Variants in TBPL1 observed in about 807,000 individuals in gnomAD.
TBPL1 encodes TATA box-binding protein-like 1.
In TBPL1, 4 loss-of-function variants were observed where a neutral mutation model predicts 22.1. The observed-to-expected ratio is 0.18, with a 90% CI of 0.09 to 0.41. The LOEUF (loss-of-function observed/expected upper bound fraction) is 0.41, where lower values mean the gene tolerates loss of function less well. Among genes scored for constraint, TBPL1 ranks in the 10% least tolerant of loss-of-function variants. The pLI is 1.00. For missense variants in TBPL1, 115 were observed against 222.3 expected (o/e 0.52, Z 3.07); for synonymous variants, 64 against 71.0 (o/e 0.90, Z 0.50).
intron 1 of TBPL1, among the ~76,000 whole-genome samples, chr6:133,959,912 G>A (rs1167464835): frequency 6.6e-6 from 1 of 152,194 alleles, no homozygotes; most frequent in Non-Finnish European, 1.5e-5. Context: ...TATGACTGTG[G>A]ACAACATTTA....
rs977472924 is a variant in TBPL1 at position 133,988,824 on chromosome 6, A to C, written c.*1784A>C. The C allele has an allele frequency of 2.0e-5, 3 of 152,144 alleles. No individual in the cohort carries two copies. The highest frequency in any genetic ancestry group is 2.9e-5 in the Non-Finnish European group (2 of 68,028). 9.4% of individuals were successfully genotyped at this position (152,144 alleles called of 1,614,324 possible). On this transcript the variant is annotated 3_prime_UTR_variant, in exon 7 of 7. Coordinates refer to ENST00000237264, the MANE Select transcript of TBPL1 (RefSeq NM_004865.4). The stretch of plus-strand genomic sequence containing the variant: ...AATTACATGAAAGAGTTACAAGCTC[A>C]CTGTTTTAAAGACTTGACATTTTTC...
chr6:133,952,960 G>A (rs186984953), upstream of TBPL1, among the ~76,000 whole-genome samples: 459 of 152,282 alleles, frequency 3.0e-3, 3 homozygotes, highest in African/African-American at 0.011. This position sits in a 1 kb window ranked among gnomAD's most constrained non-coding sequence, Gnocchi z 4.5. Flanking sequence ...CTAGTCCGAT[G>A]CCCATTAGCG....
chr6:133,965,322 G>A (rs1049972126), intron 1 of TBPL1, among the ~76,000 whole-genome samples: 2 of 152,190 alleles, frequency 1.3e-5, no homozygotes, highest in East Asian at 3.9e-4. Flanking sequence ...ACCTGCTCAA[G>A]AAAACAAATA....
intron 1 of TBPL1, among the ~76,000 whole-genome samples, chr6:133,955,384 C>T (rs572503912): frequency 2.3e-4 from 35 of 152,030 alleles, no homozygotes; most frequent in African/African-American, 7.7e-4. Flanking sequence ...TTTTCTTAAT[C>T]ATGTCCCAAT....
chr6:133,981,431 C>T (rs1776411392), intron 2 of TBPL1, among the ~76,000 whole-genome samples: 1 of 152,120 alleles, frequency 6.6e-6, no homozygotes, highest in African/African-American at 2.4e-5. Flanking sequence ...ATATGCCTAA[C>T]ACTGCTTTGG....
intron 2 of TBPL1, among the ~76,000 whole-genome samples, chr6:133,981,032 G>A (rs1776404811): frequency 6.8e-6 from 1 of 146,234 alleles, no homozygotes; most frequent in Admixed American, 6.9e-5. Flanking sequence ...CAATGCAGTG[G>A]CATGATCACA....
chr6:133,987,154 A>G lies in TBPL1; in HGVS notation c.*114A>G. The G allele has an allele frequency of 1.6e-6, 1 of 618,870 alleles. No homozygotes were observed. The highest frequency in any genetic ancestry group is 2.7e-6 in the Non-Finnish European group (1 of 371,260). The allele number at this position is 618,870 out of a possible 1,614,324, so 38.3% of individuals were successfully genotyped here. ...ATTGAGGAAATAGACTCTTTTATTC[A>G]TTCACGGCTACAGTGTAAGCTCCAG... On this transcript the variant is annotated 3_prime_UTR_variant, in exon 7 of 7. Transcript: ENST00000237264.
chr6:133,972,798 G>T (rs1437051389), intron 1 of TBPL1, among the ~76,000 whole-genome samples: 1 of 152,098 alleles, frequency 6.6e-6, no homozygotes, highest in Non-Finnish European at 1.5e-5. Flanking sequence ...CCATCTGTCA[G>T]TAATAGCCAC....
At chr6:133,977,324 A>G (rs1197239449) in intron 1 of TBPL1, among the ~76,000 whole-genome samples, 3 of 152,200 alleles carry the variant, frequency 2.0e-5, no homozygotes, top group East Asian at 1.9e-4. Flanking sequence ...AACTATTCCC[A>G]TGACCTTATT....
intron 1 of TBPL1, among the ~76,000 whole-genome samples, chr6:133,953,971 T>G (rs1775883376): frequency 6.6e-6 from 1 of 152,086 alleles, no homozygotes; most frequent in Non-Finnish European, 1.5e-5. Flanking sequence ...AAATTAGGAT[T>G]GATGGAGAAG....
intron 1 of TBPL1, among the ~76,000 whole-genome samples, chr6:133,969,342 T>G (rs1776178197): frequency 6.6e-6 from 1 of 151,712 alleles, no homozygotes; most frequent in Non-Finnish European, 1.5e-5. Context: ...CCTTGTAGCT[T>G]TCTTAATATA....
At position 133,988,351 on chromosome 6, in the gene TBPL1, T is replaced by C. The variant is rs1562670773; in HGVS notation, c.*1311T>C. On this transcript the variant is annotated 3_prime_UTR_variant, in exon 7 of 7. Coordinates refer to ENST00000237264, the MANE Select transcript of TBPL1 (RefSeq NM_004865.4). ...GCCCTGTCATTTAGGTTTAGGAGTT[T>C]AGTGTAACCAACAGTGATTATACCT... 6.6e-6 allele frequency: 1 copy of C among 152,212 alleles called. No homozygotes were observed. The highest frequency in any genetic ancestry group is 1.5e-5 in the Non-Finnish European group (1 of 68,006). 9.4% of individuals were successfully genotyped at this position (152,212 alleles called of 1,614,324 possible).
At chr6:133,963,747 C>G (rs1776064116) in intron 1 of TBPL1, among the ~76,000 whole-genome samples, 1 of 150,642 alleles carries the variant, frequency 6.6e-6, no homozygotes, top group Admixed American at 6.6e-5. Context: ...TCGTTAAGAA[C>G]CGGCCTGGCG....
chr6:133,965,680 A>G (rs1776106391), intron 1 of TBPL1, among the ~76,000 whole-genome samples: 1 of 151,896 alleles, frequency 6.6e-6, no homozygotes, highest in African/African-American at 2.4e-5. Context: ...CAGATACATC[A>G]AAGTTGTATT....
chr6:133,980,829 A>G (rs987546673), intron 2 of TBPL1, among the ~76,000 whole-genome samples: 1 of 151,930 alleles, frequency 6.6e-6, no homozygotes, highest in African/African-American at 2.4e-5. Flanking sequence ...GGATGTCATT[A>G]TAAACCAAAG....
intron 1 of TBPL1, among the ~76,000 whole-genome samples, chr6:133,975,211 A>G (rs1776292860): frequency 6.6e-6 from 1 of 152,150 alleles, no homozygotes; most frequent in African/African-American, 2.4e-5. Context: ...GGAATAAATG[A>G]TACTACAGTG....
At chr6:133,961,617 A>C (rs1234728484) in intron 1 of TBPL1, among the ~76,000 whole-genome samples, 2 of 151,872 alleles carry the variant, frequency 1.3e-5, no homozygotes, top group Admixed American at 6.6e-5. Context: ...ACAGGTGCAC[A>C]TCACCATGCC....
In TBPL1 at chr6:133,982,559, TCCCCCCAG is replaced by T; in HGVS notation, c.136-8_136-1del. On this transcript the variant is annotated splice_acceptor_variant and splice_polypyrimidine_tract_variant and intron_variant, in intron 2 of 6. Coordinates refer to ENST00000237264, the MANE Select transcript of TBPL1 (RefSeq NM_004865.4). LOFTEE classifies it high-confidence loss of function. ...GCTTATGAGGTAATCAGATTTTTTT[TCCCCCCAG>T]AAAGTATTAATGAAGCTTAGAAAAC... 1 of 1,606,296 alleles carries T rather than the reference TCCCCCCAG, an allele frequency of 6.2e-7. No individual in the cohort carries two copies. Among genetic ancestry groups the T allele is most frequent in the Admixed American group, 1.7e-5 (1 of 58,240 alleles).
chr6:133,985,295 AAAATATATATATATATATAT>A (rs1776492363), intron 6 of TBPL1, among the ~76,000 whole-genome samples: 1 of 66,436 alleles, frequency 1.5e-5, no homozygotes. Context: ...AAAAAAAAAA[AAAATATATATATATATATAT>A]ATATATATAT....
Sources: gnomAD v4.1 joint callset for allele counts (sites outside exome capture counted in the v4.1 genomes callset) on GRCh38, gnomAD v4.1.1 for gene constraint, Gnocchi (gnomAD v3.1) non-coding constraint, MANE v1.5 for transcripts, NCBI Gene and HGNC (gene_info 2026-07-23, HGNC 2026-07-21) for gene names.